Variants in CEP120 observed in about 807,000 individuals in gnomAD.
CEP120 encodes centrosomal protein of 120 kDa.
A neutral mutation model predicts 126.5 loss-of-function variants in CEP120; 113 were observed. That is an observed-to-expected ratio of 0.89 (90% CI 0.77 to 1.04). The LOEUF (loss-of-function observed/expected upper bound fraction) is 1.04. CEP120 is among the 50% of genes least tolerant of loss of function. The pLI is 0.00. For synonymous variants in CEP120, 400 were observed against 394.3 expected (o/e 1.01, Z -0.17); for missense variants, 1,230 against 1,155.7 (o/e 1.06, Z -0.93).
At position 123,399,273 on chromosome 5, in the gene CEP120, G is replaced by T. The variant is rs1477377169; in HGVS notation, c.475C>A (p.Leu159Met). ...ATGTCCCTGGGGTCAAGTCCAGCCA[G>T]GATGGCAGGTACTTTACAGAGAAAA... is the stretch of plus-strand genomic sequence containing the variant. ...PPRDGKVPAI[L>M]AGLDPRDIVA... Residue 159 changes from leucine to methionine, a missense_variant, in exon 5 of 20, where the codon CTG becomes ATG. By Grantham distance (15) the Leu-to-Met change is conservative (BLOSUM62 2). Coordinates refer to ENST00000306467, the MANE Select transcript of CEP120 (RefSeq NM_001375405.1). 6.2e-7 allele frequency: 1 copy of T among 1,613,974 alleles called. No homozygotes were observed. The highest frequency in any genetic ancestry group is 8.5e-7 in the Non-Finnish European group (1 of 1,179,906).
At chr5:123,408,927 C>A (rs773186466) in intron 4 of CEP120, among the ~76,000 whole-genome samples, 1 of 152,084 alleles carries the variant, frequency 6.6e-6, no homozygotes. Context: ...GAATAATAGG[C>A]CGGGCATGGT....
At chr5:123,348,648 T>C (rs1164845174) in intron 19 of CEP120, among the ~76,000 whole-genome samples, 1 of 152,170 alleles carries the variant, frequency 6.6e-6, no homozygotes, top group African/African-American at 2.4e-5. Flanking sequence ...ACTTCATACA[T>C]GGAGATATAA....
intron 6 of CEP120, 109 bp downstream of exon 6, chr5:123,393,191 A>G: frequency 1.1e-6 from 1 of 949,264 alleles, no homozygotes; most frequent in Non-Finnish European, 1.6e-6. Context: ...GATAACCTGT[A>G]CTACTGAAAT....
chr5:123,421,591 C>A (rs116518777), intron 1 of CEP120, among the ~76,000 whole-genome samples: 3,812 of 151,802 alleles, frequency 0.025, 161 homozygotes, highest in African/African-American at 0.087. Flanking sequence ...AGAACTTCAG[C>A]CATCCCACCC....
chr5:123,382,088 C>T, intron 14 of CEP120, 23 bp downstream of exon 14: 1 of 1,443,712 alleles, frequency 6.9e-7, no homozygotes. Flanking sequence ...CCTTCTCTTC[C>T]TCACTTTTAC....
rs1199907758 is a variant in CEP120, at chr5:123,400,784, C to G, written c.464-1500G>C. 6 of 698,552 alleles carry G rather than the reference C, an allele frequency of 8.6e-6. No homozygotes were observed. In the South Asian group the frequency reaches 9.3e-5, roughly 11 times the overall value. The allele number at this position is 698,552 out of a possible 1,614,324, so 43.3% of individuals were successfully genotyped here. Reference sequence around the variant, plus strand: ...GGGGGGTCCCCAGGCAGTAAACTCCCCCGCGGGTGGACTGAGGCCTAGGGC... The same window carrying G: ...GGGGGGTCCCCAGGCAGTAAACTCCGCCGCGGGTGGACTGAGGCCTAGGGC... On this transcript the variant is annotated intron_variant, in intron 4 of 19. Transcript: ENST00000306467.
At chr5:123,418,855 T>A (rs886890718) in intron 1 of CEP120, among the ~76,000 whole-genome samples, 1 of 152,140 alleles carries the variant, frequency 6.6e-6, no homozygotes, top group Non-Finnish European at 1.5e-5. Context: ...AGTGCTGGGA[T>A]TACAGGCATG....
Position 123,364,493 on chromosome 5 carries a change from T to C in CEP120, c.2580+3A>G. 8 of 1,589,442 alleles carry C rather than the reference T, an allele frequency of 5.0e-6. No individual in the cohort carries two copies. The highest frequency in any genetic ancestry group is 3.3e-5 in the South Asian group (3 of 89,642). ...TAAAAAGAATAAGCTATAAACTACA[T>C]ACCTGTTTAAGTCTGGCAAGTTCTT... On this transcript the variant is annotated splice_donor_region_variant and intron_variant, in intron 18 of 19. Transcript: ENST00000306467.
At chr5:123,403,768 A>G in intron 4 of CEP120, 1 of 395,702 alleles carries the variant, frequency 2.5e-6, no homozygotes, top group African/African-American at 2.1e-5. Flanking sequence ...GCTAAATCTA[A>G]AATCAGACAA....
At chr5:123,387,924 G>A (rs1772131357) in intron 9 of CEP120, among the ~76,000 whole-genome samples, 1 of 151,916 alleles carries the variant, frequency 6.6e-6, no homozygotes, top group Admixed American at 6.6e-5. Flanking sequence ...TAAGTATGGT[G>A]TTTAGATTCA....
chr5:123,404,433 G>T (rs999119654), intron 4 of CEP120, among the ~76,000 whole-genome samples: 1 of 152,150 alleles, frequency 6.6e-6, no homozygotes, highest in African/African-American at 2.4e-5. Flanking sequence ...AGGCCTAAGT[G>T]GGGGTCTTCG....
chr5:123,406,866 C>T (rs1056461354), intron 4 of CEP120, among the ~76,000 whole-genome samples: 4 of 151,240 alleles, frequency 2.6e-5, no homozygotes, highest in Non-Finnish European at 5.9e-5. Context: ...AAAGGTTCTT[C>T]AATTATTATG....
intron 18 of CEP120, among the ~76,000 whole-genome samples, chr5:123,350,452 C>T (rs1245461697): frequency 1.3e-5 from 2 of 152,172 alleles, no homozygotes; most frequent in Non-Finnish European, 2.9e-5. Context: ...ACACTCTATT[C>T]TCTTTTACTA....
intron 4 of CEP120, chr5:123,401,642 TC>T: frequency 2.1e-6 from 3 of 1,433,990 alleles, no homozygotes; most frequent in Non-Finnish European, 9.8e-7. Flanking sequence ...GGACTGCAGC[TC>T]CCGGATCTCC....
intron 4 of CEP120, chr5:123,401,265 A>G: frequency 3.1e-6 from 5 of 1,611,124 alleles, no homozygotes; most frequent in Non-Finnish European, 4.2e-6. Flanking sequence ...GGCCCGCTGC[A>G]GGGCGGCCTC....
intron 1 of CEP120, among the ~76,000 whole-genome samples, chr5:123,421,308 T>C (rs1461449360): frequency 6.6e-6 from 1 of 152,172 alleles, no homozygotes; most frequent in East Asian, 1.9e-4. Context: ...CACAAGCTAC[T>C]TGGTTGGGAA....
chr5:123,355,749 G>T (rs1769559304), intron 18 of CEP120, among the ~76,000 whole-genome samples: 3 of 151,452 alleles, frequency 2.0e-5, no homozygotes, highest in African/African-American at 7.3e-5. Flanking sequence ...TCACTCTGAT[G>T]GTAGTTTCTT....
Position 123,386,517 on chromosome 5 carries a change from C to G in CEP120, c.1580+1G>C. 1 of 1,554,616 alleles carries G rather than the reference C, an allele frequency of 6.4e-7. No individual in the cohort carries two copies. Among genetic ancestry groups the G allele is most frequent in the Non-Finnish European group, 8.7e-7 (1 of 1,155,160 alleles). On this transcript the variant is annotated splice_donor_variant, in intron 10 of 19. Coordinates refer to ENST00000306467, the MANE Select transcript of CEP120 (RefSeq NM_001375405.1). LOFTEE classifies it high-confidence loss of function. Reference sequence around the variant, plus strand: ...TATCATACATACACTGTATGCATTACCTTAAGAAGGTGTCTTGCAGCTGAT... The same window carrying G: ...TATCATACATACACTGTATGCATTAGCTTAAGAAGGTGTCTTGCAGCTGAT...
chr5:123,406,708 G>A (rs1773701573), intron 4 of CEP120, among the ~76,000 whole-genome samples: 1 of 151,750 alleles, frequency 6.6e-6, no homozygotes, highest in African/African-American at 2.4e-5. Context: ...CAGTAGACCT[G>A]TGTGCAAGAA....
Sources: allele counts gnomAD v4.1 joint callset (sites outside exome capture counted in the v4.1 genomes callset), GRCh38; gene constraint gnomAD v4.1.1; transcripts MANE v1.5; gene names NCBI Gene and HGNC (gene_info 2026-07-23, HGNC 2026-07-21).